ATP6V1C1: variants seen among roughly 807,000 people sequenced by gnomAD.
The protein encoded by ATP6V1C1 is ATPase H+ transporting V1 subunit C1.
Under a neutral mutation model 53.9 loss-of-function variants are expected in ATP6V1C1, and 45 were observed. The ratio of observed to expected loss-of-function variants is 0.83; its 90% CI spans 0.66 to 1.07. The LOEUF (loss-of-function observed/expected upper bound fraction) is 1.07, where lower values mean the gene tolerates loss of function less well. Ranked by LOEUF, ATP6V1C1 falls within the 50% of genes least tolerant of loss-of-function variation. ATP6V1C1 has a pLI of 0.00. For missense variants in ATP6V1C1, 315 were observed against 440.3 expected, an observed-to-expected ratio of 0.72 and a Z score of 2.55; for synonymous variants, 153 against 155.2, an observed-to-expected ratio of 0.99 and a Z score of 0.11.
chr8:103,055,727 G>A lies in ATP6V1C1; in HGVS notation c.573-141G>A, dbSNP rs138917737. ...GAAATTCATTCTCAGTAGGAAACCC[G>A]AATTTTTTTTGTTAAATAGAGTTGA... On this transcript the variant is annotated intron_variant, in intron 7 of 12. Coordinates refer to ENST00000518738, the MANE Select transcript of ATP6V1C1 (RefSeq NM_001695.5). 109 of 668,632 alleles carry A rather than the reference G, an allele frequency of 1.6e-4. No individual in the cohort carries two copies. In the East Asian group the frequency reaches 2.5e-3, roughly 15 times the overall value. The allele number at this position is 668,632 out of a possible 1,614,324, so 41.4% of individuals were successfully genotyped here. A position where few individuals can be genotyped will look rare whatever the true frequency, so the allele number is the denominator to read the frequency against.
At chr8:103,048,821 A>G in intron 3 of ATP6V1C1, 49 bp from the exon 4 acceptor site, 4 of 1,501,650 alleles carry the variant, frequency 2.7e-6, no homozygotes, top group Non-Finnish European at 3.7e-6. Context: ...ATAGAATGGA[A>G]TTTAGATCTT....
rs1586320456 is a variant in ATP6V1C1 at position 103,050,848 on chromosome 8, GAGTAAGGAGAAGAGA to G, written c.287-201_287-187del. ...AGCATCTTAATATGTATTAAAGTTT[GAGTAAGGAGAAGAGA>G]TTACAAGGTAGAAATTTTGATTAAT... On this transcript the variant is annotated intron_variant, in intron 4 of 12. Coordinates refer to ENST00000518738, the MANE Select transcript of ATP6V1C1 (RefSeq NM_001695.5). Among the ~76,000 whole-genome samples the G allele has an allele frequency of 3.3e-5, 5 of 152,156 alleles. No individual in the cohort carries two copies. In the East Asian group the frequency reaches 9.6e-4, roughly 29 times the overall value.
At chr8:103,051,903 G>T (rs1050396084) in intron 5 of ATP6V1C1, among the ~76,000 whole-genome samples, 2 of 152,128 alleles carry the variant, frequency 1.3e-5, no homozygotes, top group Non-Finnish European at 2.9e-5. Flanking sequence ...ACTTTCCTTG[G>T]CTCCCAGTAA....
At chr8:103,066,174 A>G (rs1586329979) in intron 11 of ATP6V1C1, 147 bp from the exon 12 acceptor site, 6 of 954,260 alleles carry the variant, frequency 6.3e-6, no homozygotes, top group South Asian at 2.4e-5. Flanking sequence ...TTCAGTTTCT[A>G]TATATATTAG....
chr8:103,029,006 A>G (rs1224041790), intron 1 of ATP6V1C1, among the ~76,000 whole-genome samples: 1 of 152,198 alleles, frequency 6.6e-6, no homozygotes, highest in Admixed American at 6.5e-5. Flanking sequence ...GTTTACATGT[A>G]ATAATTTATT....
chr8:103,049,043 A>T (rs1817154542), intron 4 of ATP6V1C1, 88 bp downstream of exon 4: 1 of 1,188,392 alleles, frequency 8.4e-7, no homozygotes, highest in Non-Finnish European at 1.2e-6. Flanking sequence ...AAAAAAGTCT[A>T]CAGAAAAGGA....
intron 1 of ATP6V1C1, among the ~76,000 whole-genome samples, chr8:103,037,818 A>G (rs1045069451): frequency 3.3e-5 from 5 of 152,312 alleles, no homozygotes; most frequent in Admixed American, 1.3e-4. Flanking sequence ...CTGATTTTTT[A>G]AATGAAATCT....
In ATP6V1C1 at chr8:103,034,830, C is replaced by G. The variant is rs1816864014; in HGVS notation, c.-39-5968C>G. Among the ~76,000 whole-genome samples the G allele has an allele frequency of 2.6e-5, 4 of 152,246 alleles. No homozygotes were observed. In the South Asian group the frequency reaches 8.3e-4, roughly 32 times the overall value. The stretch of plus-strand genomic sequence containing the variant: ...AGGTGATCTGCCTGCCTCAGCCTCC[C>G]AAAGTGCTGGGATTACAGGTGTGAG... On this transcript the variant is annotated intron_variant, in intron 1 of 12. Coordinates refer to ENST00000518738, the MANE Select transcript of ATP6V1C1 (RefSeq NM_001695.5).
chr8:103,041,898 A>G (rs1302931294), intron 2 of ATP6V1C1, among the ~76,000 whole-genome samples: 1 of 152,134 alleles, frequency 6.6e-6, no homozygotes, highest in African/African-American at 2.4e-5. Flanking sequence ...AATGCAATAA[A>G]ATGACCGATT....
chr8:103,022,836 G>A (rs532346049), intron 1 of ATP6V1C1, among the ~76,000 whole-genome samples: 61 of 152,028 alleles, frequency 4.0e-4, no homozygotes, highest in Non-Finnish European at 6.9e-4. Context: ...ATTGCCTGAG[G>A]CCAGGAGTTC....
intron 1 of ATP6V1C1, among the ~76,000 whole-genome samples, chr8:103,036,324 A>T (rs1246525856): frequency 1.3e-5 from 2 of 152,230 alleles, no homozygotes; most frequent in East Asian, 1.9e-4. Flanking sequence ...ACAACATCAG[A>T]CTTAGAAGGC....
chr8:103,066,224 T>TA, intron 11 of ATP6V1C1, 97 bp from the exon 12 acceptor site: 1 of 1,398,876 alleles, frequency 7.1e-7, no homozygotes, highest in East Asian at 2.4e-5. Flanking sequence ...CTCTCCCCGT[T>TA]AACCATGATT....
intron 8 of ATP6V1C1, among the ~76,000 whole-genome samples, chr8:103,060,752 G>C (rs1817382384): frequency 6.6e-6 from 1 of 152,188 alleles, no homozygotes; most frequent in South Asian, 2.1e-4. Flanking sequence ...GGCATAGTAG[G>C]ATTTAGTTAT....
chr8:103,035,902 C>T (rs1025872126), intron 1 of ATP6V1C1, among the ~76,000 whole-genome samples: 7 of 152,232 alleles, frequency 4.6e-5, no homozygotes, highest in South Asian at 2.1e-4. Flanking sequence ...TTGGAGGAAT[C>T]GTTGTTCCTT....
chr8:103,060,931 C>G (rs1015290657), intron 8 of ATP6V1C1, among the ~76,000 whole-genome samples: 25 of 152,102 alleles, frequency 1.6e-4, no homozygotes, highest in Non-Finnish European at 3.5e-4. Context: ...TTGGAAGGGT[C>G]TTCAAAACAG....
chr8:103,069,910 AAT>A lies in ATP6V1C1; in HGVS notation c.*1165_*1166del, dbSNP rs1325846459. The A allele has an allele frequency of 6.6e-6, 1 of 152,168 alleles. No individual in the cohort carries two copies. The highest frequency in any genetic ancestry group is 1.5e-5 in the Non-Finnish European group (1 of 68,032). The allele number at this position is 152,168 out of a possible 1,614,324, so 9.4% of individuals were successfully genotyped here. A position where few individuals can be genotyped will look rare whatever the true frequency, so the allele number is the denominator to read the frequency against. ...ATTATTTCATAAATAATTTCAAGCA[AAT>A]ACAGACATCCACAATGTAGAACATG... On this transcript the variant is annotated 3_prime_UTR_variant, in exon 13 of 13. Transcript: ENST00000518738.
At position 103,062,856 on chromosome 8, in the gene ATP6V1C1, T is replaced by C. The variant is rs147407709; in HGVS notation, c.642-99T>C. ...TGAGGTGATTTGGGAAGGGCTATTA[T>C]ACCCTACTTTTCTCTTCCACCTGTT... On this transcript the variant is annotated intron_variant, in intron 8 of 12. Transcript: ENST00000518738. 99 of 977,708 alleles carry C rather than the reference T, an allele frequency of 1.0e-4. 2 individuals carry two copies. In the Admixed American group the frequency reaches 1.9e-3, roughly 19 times the overall value. 60.6% of individuals were successfully genotyped at this position (977,708 alleles called of 1,614,324 possible).
intron 12 of ATP6V1C1, among the ~76,000 whole-genome samples, chr8:103,067,169 CG>C (rs1405748655): frequency 1.3e-5 from 2 of 151,814 alleles, no homozygotes; most frequent in Non-Finnish European, 2.9e-5. Context: ...GAGGCCGAGG[CG>C]GGGGGATCAC....
intron 9 of ATP6V1C1, 29 bp from the exon 10 acceptor site, chr8:103,063,106 C>T: frequency 6.2e-7 from 1 of 1,608,376 alleles, no homozygotes; most frequent in Non-Finnish European, 8.5e-7. Context: ...ACAATGTGAA[C>T]AATTTTGTTT....
Sources: gnomAD v4.1 joint callset for allele counts (sites outside exome capture counted in the v4.1 genomes callset) on GRCh38, gnomAD v4.1.1 for gene constraint, MANE v1.5 for transcripts, NCBI Gene and HGNC (gene_info 2026-07-23, HGNC 2026-07-21) for gene names.